ADGRB2: variants seen among roughly 807,000 people sequenced by gnomAD.
The protein encoded by ADGRB2 is brain-specific angiogenesis inhibitor 2.
A neutral mutation model predicts 178.7 loss-of-function variants in ADGRB2; 47 were observed. The observed-to-expected ratio is 0.26, with a 90% confidence interval of 0.21 to 0.34. The LOEUF is 0.34. ADGRB2 is among the 10% of genes least tolerant of loss of function. The probability of loss-of-function intolerance (pLI) is 1.00; values close to 1 mark genes in which losing one functional copy is unlikely to be tolerated. For missense variants in ADGRB2, 1,584 were observed against 2,180.8 expected (o/e 0.73, Z 5.45); for synonymous variants, 870 against 912.4 (o/e 0.95, Z 0.84).
At chr1:31,763,758 GC>G in intron 1 of ADGRB2, 125 bp downstream of exon 1, 1 of 978,718 alleles carries the variant, frequency 1.0e-6, no homozygotes, top group Non-Finnish European at 1.2e-6. Flanking sequence ...CTCAGTTCGG[GC>G]TGGGGGAGAA....
intron 29 of ADGRB2, among the ~76,000 whole-genome samples, chr1:31,730,040 G>A (rs76841026): frequency 0.018 from 2,671 of 152,352 alleles, 70 homozygotes; most frequent in African/African-American, 0.061. Flanking sequence ...CACGACTCCT[G>A]TCCCTTTCCT....
chr1:31,732,876 G>A (rs1645365533), intron 26 of ADGRB2, 96 bp downstream of exon 26: 2 of 1,449,198 alleles, frequency 1.4e-6, no homozygotes, highest in South Asian at 2.8e-5. Flanking sequence ...GGGCACCCTG[G>A]TCGGGGCCTC....
At position 31,756,208 on chromosome 1, in the gene ADGRB2, C is replaced by A; in HGVS notation, c.629G>T (p.Arg210Leu). The change falls in exon 4 of 33, where the codon CGC becomes CTC. Residue 210 changes from arginine to leucine, a missense_variant. Coordinates refer to ENST00000373658, the MANE Select transcript of ADGRB2 (RefSeq NM_001364857.2). The surrounding 1 kb of genome is among the most constrained non-coding windows in gnomAD (Gnocchi z 8.5). The stretch of plus-strand genomic sequence containing the variant: ...AAAGCCGCAGGCCCTGCCGGCAGCG[C>A]GGCCACACTCCTCACTCCAGCGGCA... ...VLCRWSEECG[R>L]AAGRACGFAQ... 1 of 1,613,594 alleles carries A rather than the reference C, an allele frequency of 6.2e-7. No homozygotes were observed. Among genetic ancestry groups the A allele is most frequent in the African/African-American group, 1.3e-5 (1 of 75,066 alleles).
At chr1:31,760,998 A>T (rs1294547878) in intron 1 of ADGRB2, 1 of 147,714 alleles carries the variant, frequency 6.8e-6, no homozygotes, top group African/African-American at 2.5e-5. Context: ...AAGGGGGACA[A>T]GGGGCAGCCC....
chr1:31,763,622 T>TA (rs1361344472), intron 1 of ADGRB2, among the ~76,000 whole-genome samples: 1 of 89,858 alleles, frequency 1.1e-5, no homozygotes, highest in African/African-American at 4.4e-5. Flanking sequence ...CATAGATGGG[T>TA]AAGAGGGTCG....
chr1:31,733,179 C>T lies in ADGRB2; in HGVS notation c.3453-36G>A. On this transcript the variant is annotated intron_variant, in intron 25 of 32. Transcript: ENST00000373658. This position sits in a 1 kb window ranked among gnomAD's most constrained non-coding sequence, Gnocchi z 4.3. ...AGTGGCAGAGCCCATCAGAGTGACA[C>T]TCCGGGGGACAGGATGGCTTGAGCC... 1.9e-6 allele frequency: 3 copies of T among 1,550,114 alleles called. No individual in the cohort carries two copies. The highest frequency in any genetic ancestry group is 1.7e-6 in the Non-Finnish European group (2 of 1,147,302).
In ADGRB2 at chr1:31,744,216, C is replaced by A; in HGVS notation, c.1064G>T (p.Cys355Phe). ...CSGPLRETRP[C>F]NNSATCPVHG... ...ACCTGGGCAGGTGGCTGAATTGTTG[C>A]AGGGCCTGGTCTCCCGCAGGGGCCC... Residue 355 changes from cysteine to phenylalanine, a missense_variant, in exon 6 of 33, where the codon TGC (cysteine) becomes TTC (phenylalanine). By Grantham distance (205) the Cys-to-Phe change is radical. This residue lies in a region of ADGRB2 where 657 missense variants were observed against 847.6 expected (regional missense o/e 0.78). Transcript: ENST00000373658. This position sits in a 1 kb window ranked among gnomAD's most constrained non-coding sequence, Gnocchi z 6.7. 6.5e-7 allele frequency: 1 copy of A among 1,537,428 alleles called. No homozygotes were observed.
At position 31,735,252 on chromosome 1, in the gene ADGRB2, A is replaced by G; in HGVS notation, c.3383T>C (p.Leu1128Pro). Residue 1128 changes from leucine to proline, a missense_variant, in exon 25 of 33, where the codon CTC becomes CCC. Transcript: ENST00000373658. The surrounding 1 kb of genome is among the most constrained non-coding windows in gnomAD (Gnocchi z 6.0). Reference sequence around the variant, plus strand: ...CGCTCCACACGCTGAGCAGGGGAGGAGCAGGCTGGCCCAGGGGCACCGCTC... The same window carrying G: ...CGCTCCACACGCTGAGCAGGGGAGGGGCAGGCTGGCCCAGGGGCACCGCTC... ...GSERCPWASL[L>P]LPCSACGAVP... 1 of 1,469,200 alleles carries G rather than the reference A, an allele frequency of 6.8e-7. No individual in the cohort carries two copies. Among genetic ancestry groups the G allele is most frequent in the Non-Finnish European group, 9.1e-7 (1 of 1,103,224 alleles). The allele number at this position is 1,469,200 out of a possible 1,614,324, so 91.0% of individuals were successfully genotyped here.
In ADGRB2 at chr1:31,755,961, T is replaced by C. The variant is rs1557789332; in HGVS notation, c.838+38A>G. 1.3e-6 allele frequency: 2 copies of C among 1,568,676 alleles called. No homozygotes were observed. The highest frequency in any genetic ancestry group is 2.4e-5 in the South Asian group (2 of 83,312). On this transcript the variant is annotated intron_variant, in intron 4 of 32. Transcript: ENST00000373658. The surrounding 1 kb of genome is among the most constrained non-coding windows in gnomAD (Gnocchi z 5.1). ...GGACACCAGGGACACTGTCAGCCCC[T>C]GCAGACCCCGCCCCACCCAGGCCCT...
intron 4 of ADGRB2, among the ~76,000 whole-genome samples, chr1:31,750,717 G>A (rs1646522447): frequency 6.6e-6 from 1 of 151,976 alleles, no homozygotes; most frequent in South Asian, 2.1e-4. Context: ...TCCCCCCATG[G>A]CACCCCATCC....
At chr1:31,752,891 G>A (rs1646648878) in intron 4 of ADGRB2, among the ~76,000 whole-genome samples, 1 of 152,304 alleles carries the variant, frequency 6.6e-6, no homozygotes. Flanking sequence ...GAGACCCCAG[G>A]TTCACCTGGT....
chr1:31,728,374 C>T lies in ADGRB2; in HGVS notation c.4417-94G>A, dbSNP rs1645104259. 1 of 1,391,082 alleles carries T rather than the reference C, an allele frequency of 7.2e-7. No homozygotes were observed. 86.2% of individuals were successfully genotyped at this position (1,391,082 alleles called of 1,614,324 possible). ...TCAGCACCCCAAGCCCCCCACATCCCTCCCTGCTGCCAGCCCCTCTGGGAC... is the reference window on the plus strand; with the variant it reads ...TCAGCACCCCAAGCCCCCCACATCCTTCCCTGCTGCCAGCCCCTCTGGGAC... On this transcript the variant is annotated intron_variant, in intron 30 of 32. Transcript: ENST00000373658. The surrounding 1 kb of genome is among the most constrained non-coding windows in gnomAD (Gnocchi z 6.7).
chr1:31,744,769 C>G lies in ADGRB2; in HGVS notation c.839-38G>C. 2 of 1,604,804 alleles carry G rather than the reference C, an allele frequency of 1.2e-6. No individual in the cohort carries two copies. Among genetic ancestry groups the G allele is most frequent in the Non-Finnish European group, 8.5e-7 (1 of 1,171,732 alleles). Reference sequence around the variant, plus strand: ...GGTGGTGGCAGGGGCTCAGCAAAGGCCAGCTAGGTTCTGTTACAGTGGCAC... The same window carrying G: ...GGTGGTGGCAGGGGCTCAGCAAAGGGCAGCTAGGTTCTGTTACAGTGGCAC... On this transcript the variant is annotated intron_variant, in intron 4 of 32. Transcript: ENST00000373658. The surrounding 1 kb of genome is among the most constrained non-coding windows in gnomAD (Gnocchi z 6.7).
Position 31,735,978 on chromosome 1 carries a change from G to A in ADGRB2, c.3201-85C>T, listed in dbSNP as rs180967861. 264 of 1,364,904 alleles carry A rather than the reference G, an allele frequency of 1.9e-4. No individual in the cohort carries two copies. The highest frequency in any genetic ancestry group is 1.2e-3 in the Admixed American group (53 of 45,564). The allele number at this position is 1,364,904 out of a possible 1,614,324, so 84.5% of individuals were successfully genotyped here. On this transcript the variant is annotated intron_variant, in intron 22 of 32. Coordinates refer to ENST00000373658, the MANE Select transcript of ADGRB2 (RefSeq NM_001364857.2). This position sits in a 1 kb window ranked among gnomAD's most constrained non-coding sequence, Gnocchi z 6.0. ...CACCATCCCTCAGTCCTCCCAGGCT[G>A]CCATGCCCGCATCACCAGTGCAGTC... is the stretch of plus-strand genomic sequence containing the variant.
chr1:31,754,496 A>C lies in ADGRB2; in HGVS notation c.838+1503T>G, dbSNP rs112320263. 1.4e-3 allele frequency among the ~76,000 whole-genome samples: 216 copies of C among 152,386 alleles called. No homozygotes were observed. Among genetic ancestry groups the C allele is most frequent in the South Asian group, 3.5e-3 (17 of 4,832 alleles). On this transcript the variant is annotated intron_variant, in intron 4 of 32. Coordinates refer to ENST00000373658, the MANE Select transcript of ADGRB2 (RefSeq NM_001364857.2). This position sits in a 1 kb window ranked among gnomAD's most constrained non-coding sequence, Gnocchi z 5.7. Reference sequence around the variant, plus strand: ...TGGCGTTCTCCGCCGATGTTCAACAAAGAAGCAAAATTCAATTTCTTCCTA... The same window carrying C: ...TGGCGTTCTCCGCCGATGTTCAACACAGAAGCAAAATTCAATTTCTTCCTA...
Position 31,756,296 on chromosome 1 carries a change from G to C in ADGRB2, c.541C>G (p.Arg181Gly), listed in dbSNP as rs749000422. The change falls in exon 4 of 33, where the codon CGC becomes GGC. Residue 181 changes from arginine to glycine, a missense_variant. Arg to Gly is a moderately radical substitution (Grantham distance 125, BLOSUM62 -2). This residue lies in a region of ADGRB2 where 657 missense variants were observed against 847.6 expected (regional missense o/e 0.78). Transcript: ENST00000373658. The surrounding 1 kb of genome is among the most constrained non-coding windows in gnomAD (Gnocchi z 8.5). ...TTGATGAGCAAGACCTCGACAAAGC[G>C]GAAGGCTAGGGCAGCGGGCGCCAGC... ...RLLAPAALAF[R>G]FVEVLLINNN... 1 of 1,613,050 alleles carries C rather than the reference G, an allele frequency of 6.2e-7. No individual in the cohort carries two copies. The highest frequency in any genetic ancestry group is 8.5e-7 in the Non-Finnish European group (1 of 1,179,962).
At position 31,736,674 on chromosome 1, in the gene ADGRB2, G is replaced by A; in HGVS notation, c.3029C>T (p.Ser1010Phe). ...AAFLHFFFLS[S>F]FCWVLTEAWQ... is the part of the protein sequence containing the mutation. ...GGCCTCGGTAAGCACCCAGCAAAAG[G>A]AGGAGAGAAAGAAGAAGTGCAGGAA... The change falls in exon 21 of 33, where the codon TCC (serine) becomes TTC (phenylalanine). Residue 1010 changes from serine (S) to phenylalanine (F), a missense_variant. Around this residue, in one of 3 missense-constraint regions of ADGRB2, gnomAD observed 865 missense variants for 1,192.8 expected, o/e 0.73. Coordinates refer to ENST00000373658, the MANE Select transcript of ADGRB2 (RefSeq NM_001364857.2). 1.9e-6 allele frequency: 3 copies of A among 1,614,126 alleles called. No homozygotes were observed. Among genetic ancestry groups the A allele is most frequent in the Non-Finnish European group, 2.5e-6 (3 of 1,179,972 alleles).
chr1:31,739,336 T>C lies in ADGRB2; in HGVS notation c.2467A>G (p.Thr823Ala). 6.9e-7 allele frequency: 1 copy of C among 1,458,006 alleles called. No homozygotes were observed. The highest frequency in any genetic ancestry group is 9.1e-7 in the Non-Finnish European group (1 of 1,102,502). The allele number at this position is 1,458,006 out of a possible 1,614,324, so 90.3% of individuals were successfully genotyped here. The change falls in exon 15 of 33, where the codon ACC (threonine) becomes GCC (alanine). Residue 823 changes from threonine (T) to alanine (A), a missense_variant. This residue lies in a region of ADGRB2 where 865 missense variants were observed against 1,192.8 expected (regional missense o/e 0.73). Transcript: ENST00000373658. Reference protein sequence around the residue: ...YFVIGAVLYRTLGLILPPPRP... With the variant: ...YFVIGAVLYRALGLILPPPRP... ...GGAGGCGGCAGGATGAGGCCAAGGG[T>C]GCGGTAGAGTACAGCACCGATCACA...
chr1:31,739,141 G>T, intron 15 of ADGRB2, 167 bp downstream of exon 15: 1 of 908,540 alleles, frequency 1.1e-6, no homozygotes, highest in Non-Finnish European at 1.6e-6. Flanking sequence ...TCTGAGAGCA[G>T]TATGGATAAA....
Sources: gnomAD v4.1 joint callset for allele counts (sites outside exome capture counted in the v4.1 genomes callset) on GRCh38, gnomAD v4.1.1 for gene constraint, gnomAD v4.1.1 regional missense constraint, Gnocchi (gnomAD v3.1) non-coding constraint, MANE v1.5 for transcripts, NCBI Gene and HGNC (gene_info 2026-07-23, HGNC 2026-07-21) for gene names.